MBOAT2: variants seen among roughly 807,000 people sequenced by gnomAD.
The protein encoded by MBOAT2 is membrane-bound glycerophospholipid O-acyltransferase 2.
A neutral mutation model predicts 63.4 loss-of-function variants in MBOAT2; 28 were observed. The ratio of observed to expected loss-of-function variants is 0.44; its 90% CI spans 0.33 to 0.61. MBOAT2 has a LOEUF of 0.61. MBOAT2 is among the 20% of genes least tolerant of loss of function. The pLI, the probability that MBOAT2 is intolerant of heterozygous loss-of-function variation, is 0.03. For missense variants in MBOAT2, 470 were observed against 605.8 expected, an observed-to-expected ratio of 0.78 and a Z score of 2.35; for synonymous variants, 211 against 215.6, an observed-to-expected ratio of 0.98 and a Z score of 0.19.
At chr2:8,984,264 A>G (rs1462225093) in intron 1 of MBOAT2, among the ~76,000 whole-genome samples, 2 of 152,202 alleles carry the variant, frequency 1.3e-5, no homozygotes, top group Non-Finnish European at 2.9e-5. Context: ...GGAGTTGCTT[A>G]ATGAATATGC....
chr2:8,980,648 T>C (rs900078472), intron 1 of MBOAT2, among the ~76,000 whole-genome samples: 28 of 152,212 alleles, frequency 1.8e-4, no homozygotes, highest in Non-Finnish European at 3.5e-4. Flanking sequence ...AACAACCTTT[T>C]TATAAAATAT....
intron 3 of MBOAT2, among the ~76,000 whole-genome samples, chr2:8,936,809 A>G (rs887703085): frequency 7.8e-4 from 118 of 150,772 alleles, no homozygotes; most frequent in Non-Finnish European, 1.9e-4. Context: ...AAAAAAAGAA[A>G]AGAAAAAGAA....
At chr2:8,876,232 G>A (rs766117831) in intron 7 of MBOAT2, among the ~76,000 whole-genome samples, 3 of 152,194 alleles carry the variant, frequency 2.0e-5, no homozygotes, top group African/African-American at 4.8e-5. Flanking sequence ...TAAACATTAT[G>A]TTTGGTTGTA....
chr2:8,860,854 T>C (rs1052739092), intron 11 of MBOAT2, 90 bp from the exon 12 acceptor site: 11 of 1,025,970 alleles, frequency 1.1e-5, no homozygotes, highest in Non-Finnish European at 4.2e-6. Flanking sequence ...TGGAAGGATG[T>C]GGAGTAGAGT....
chr2:8,998,205 A>T (rs1207987338), intron 1 of MBOAT2, among the ~76,000 whole-genome samples: 1 of 152,228 alleles, frequency 6.6e-6, no homozygotes, highest in Non-Finnish European at 1.5e-5. Context: ...CACAGATTCA[A>T]GATTCTCAGT....
At position 8,880,488 on chromosome 2, in the gene MBOAT2, T is replaced by C. The variant is rs75036696; in HGVS notation, c.506+2023A>G. Among the ~76,000 whole-genome samples, 1,046 of 152,304 alleles carry C rather than the reference T, an allele frequency of 6.9e-3. 18 individuals are homozygous for C. The highest frequency in any genetic ancestry group is 0.024 in the African/African-American group (1,004 of 41,554). On this transcript the variant is annotated intron_variant, in intron 6 of 12. Transcript: ENST00000305997. ...GTTCTGTTCGAGCTGCCTGTCACTA[T>C]CCATACAAAGACCTTGAAATGGCAG...
At chr2:8,956,545 T>C (rs1008489198) in intron 2 of MBOAT2, among the ~76,000 whole-genome samples, 1 of 151,872 alleles carries the variant, frequency 6.6e-6, no homozygotes, top group African/African-American at 2.4e-5. Context: ...TACAAAAAAT[T>C]AGCCGGGTGT....
chr2:8,900,629 AGAG>A (rs1006352714), intron 4 of MBOAT2, among the ~76,000 whole-genome samples: 4 of 152,144 alleles, frequency 2.6e-5, no homozygotes, highest in Admixed American at 6.5e-5. Context: ...GGGGGAGATT[AGAG>A]GAGGATTATC....
At position 9,003,636 on chromosome 2, in the gene MBOAT2, C is replaced by A; in HGVS notation, c.-22G>T. 1 of 1,152,270 alleles carries A rather than the reference C, an allele frequency of 8.7e-7. No homozygotes were observed. The highest frequency in any genetic ancestry group is 1.1e-6 in the Non-Finnish European group (1 of 938,886). 71.4% of individuals were successfully genotyped at this position (1,152,270 alleles called of 1,614,324 possible). Reference sequence around the variant, plus strand: ...CCATGGCCGGGCCTCGGCGCTCCGGCCGCCCGCGCCGCTCGCCCGCTCGCG... The same window carrying A: ...CCATGGCCGGGCCTCGGCGCTCCGGACGCCCGCGCCGCTCGCCCGCTCGCG... On this transcript the variant is annotated 5_prime_UTR_variant, in exon 1 of 13. Transcript: ENST00000305997. The surrounding 1 kb of genome is among the most constrained non-coding windows in gnomAD (Gnocchi z 5.4).
At chr2:8,906,305 C>T (rs1176044348) in intron 4 of MBOAT2, among the ~76,000 whole-genome samples, 1 of 152,208 alleles carries the variant, frequency 6.6e-6, no homozygotes, top group Non-Finnish European at 1.5e-5. Flanking sequence ...GTTTTTTAAA[C>T]ATGCACTATG....
intron 12 of MBOAT2, 38 bp downstream of exon 12, chr2:8,860,575 G>A: frequency 6.3e-7 from 1 of 1,595,970 alleles, no homozygotes; most frequent in Non-Finnish European, 8.5e-7. Context: ...TGAAAATAGA[G>A]TTATTCCCAC....
At chr2:8,911,809 T>A (rs1163948438) in intron 3 of MBOAT2, among the ~76,000 whole-genome samples, 1 of 152,080 alleles carries the variant, frequency 6.6e-6, no homozygotes, top group Admixed American at 6.6e-5. Flanking sequence ...TTTGTAACCA[T>A]CAGAACCCCA....
chr2:8,900,920 C>T (rs1664873558), intron 4 of MBOAT2, among the ~76,000 whole-genome samples: 1 of 152,152 alleles, frequency 6.6e-6, no homozygotes, highest in East Asian at 1.9e-4. Flanking sequence ...AATGAGCTGC[C>T]TCTTTTTCAG....
At chr2:8,975,470 G>T (rs536651947) in intron 1 of MBOAT2, among the ~76,000 whole-genome samples, 1 of 152,128 alleles carries the variant, frequency 6.6e-6, no homozygotes, top group African/African-American at 2.4e-5. Context: ...GGCTCTATCT[G>T]TGCCTTTCAT....
chr2:8,985,441 C>T (rs535277334), intron 1 of MBOAT2, among the ~76,000 whole-genome samples: 1 of 152,294 alleles, frequency 6.6e-6, no homozygotes, highest in South Asian at 2.1e-4. Flanking sequence ...TCCAGACTCA[C>T]ATCTTCAATG....
At chr2:8,956,910 A>C (rs1487014082) in intron 2 of MBOAT2, among the ~76,000 whole-genome samples, 1 of 152,182 alleles carries the variant, frequency 6.6e-6, no homozygotes, top group Admixed American at 6.5e-5. Flanking sequence ...CAACTGTAGG[A>C]GATATTGTTT....
intron 3 of MBOAT2, among the ~76,000 whole-genome samples, chr2:8,920,286 T>C (rs1254051855): frequency 1.3e-5 from 2 of 152,218 alleles, no homozygotes; most frequent in Non-Finnish European, 2.9e-5. Flanking sequence ...CCCAGCACTG[T>C]GTATTGAAAA....
At chr2:8,859,040 T>C in intron 12 of MBOAT2, 136 bp from the exon 13 acceptor site, 3 of 685,836 alleles carry the variant, frequency 4.4e-6, no homozygotes, top group East Asian at 5.5e-5. Flanking sequence ...CTTTTATTTT[T>C]CCCCCTCAGG....
At chr2:8,945,954 C>CT (rs1558644248) in intron 2 of MBOAT2, among the ~76,000 whole-genome samples, 2 of 152,098 alleles carry the variant, frequency 1.3e-5, no homozygotes, top group African/African-American at 4.8e-5. Flanking sequence ...TCAATGAGAC[C>CT]GTTTATGTCC....
Sources: allele counts gnomAD v4.1 joint callset (sites outside exome capture counted in the v4.1 genomes callset), GRCh38; gene constraint gnomAD v4.1.1; non-coding constraint Gnocchi (gnomAD v3.1); transcripts MANE v1.5; gene names NCBI Gene and HGNC (gene_info 2026-07-23, HGNC 2026-07-21).